Variants in ARHGEF10L observed in about 807,000 individuals in gnomAD.
ARHGEF10L encodes the protein rho guanine nucleotide exchange factor 10-like protein.
In ARHGEF10L, 69 loss-of-function variants were observed where a neutral mutation model predicts 141.2. The observed-to-expected ratio is 0.49, with a 90% confidence interval of 0.40 to 0.60. The LOEUF is 0.60. Ranked by LOEUF, ARHGEF10L falls within the 20% of genes least tolerant of loss-of-function variation. The pLI is 0.00. For synonymous variants in ARHGEF10L, 711 were observed against 718.5 expected (o/e 0.99, Z 0.17); for missense variants, 1,482 against 1,734.3 (o/e 0.85, Z 2.58).
intron 4 of ARHGEF10L, among the ~76,000 whole-genome samples, chr1:17,588,878 G>GTGTGTGTGTGTC (rs1557757887): frequency 1.1e-4 from 9 of 82,344 alleles, no homozygotes; most frequent in African/African-American, 5.1e-4. Context: ...GTGTGTGTGT[G>GTGTGTGTGTGTC]TGTGTGTGTG....
intron 26 of ARHGEF10L, among the ~76,000 whole-genome samples, chr1:17,667,031 C>T (rs1454306789): frequency 1.3e-5 from 2 of 152,190 alleles, no homozygotes; most frequent in Non-Finnish European, 2.9e-5. Context: ...CTCCCAGTAG[C>T]CCCCAAGTGT....
chr1:17,538,596 T>G (rs2076616288), upstream of ARHGEF10L, among the ~76,000 whole-genome samples: 1 of 151,714 alleles, frequency 6.6e-6, no homozygotes, highest in African/African-American at 2.4e-5. Context: ...CGTCTTCTCC[T>G]AAGCCTATGA....
chr1:17,641,420 A>G (rs1305846542), intron 21 of ARHGEF10L, among the ~76,000 whole-genome samples: 4 of 151,622 alleles, frequency 2.6e-5, no homozygotes, highest in African/African-American at 9.7e-5. Flanking sequence ...TCACAAGGTC[A>G]GGAGATCGAG....
At chr1:17,657,983 G>T (rs1319581538) in intron 25 of ARHGEF10L, among the ~76,000 whole-genome samples, 1 of 152,230 alleles carries the variant, frequency 6.6e-6, no homozygotes, top group Admixed American at 6.5e-5. Flanking sequence ...ATGTAGCGTC[G>T]CATATCCTAG....
chr1:17,544,803 C>G (rs2076858763), intron 1 of ARHGEF10L, among the ~76,000 whole-genome samples: 4 of 152,228 alleles, frequency 2.6e-5, no homozygotes, highest in Admixed American at 1.3e-4. Context: ...ATTTAATGGA[C>G]TCACAGTTCC....
chr1:17,682,017 T>C (rs1339750464), intron 26 of ARHGEF10L, among the ~76,000 whole-genome samples: 1 of 152,088 alleles, frequency 6.6e-6, no homozygotes, highest in East Asian at 1.9e-4. Context: ...CGTGCTCTAA[T>C]CAGGACCATC....
chr1:17,648,717 T>C (rs2061737379), intron 22 of ARHGEF10L, 42 bp downstream of exon 22: 4 of 1,598,022 alleles, frequency 2.5e-6, no homozygotes, highest in Non-Finnish European at 3.4e-6. Context: ...CGAAGGTGGC[T>C]GCGGCTCCCC....
chr1:17,516,790 C>A, the ARHGEF10L span, among the ~76,000 whole-genome samples: 1 of 152,150 alleles, frequency 6.6e-6, no homozygotes, highest in Middle Eastern at 3.2e-3. Context: ...AGGTCCCCGC[C>A]AACGAAGAGG....
chr1:17,565,684 C>T (rs2077723342), intron 1 of ARHGEF10L, among the ~76,000 whole-genome samples: 1 of 152,194 alleles, frequency 6.6e-6, no homozygotes, highest in Non-Finnish European at 1.5e-5. Flanking sequence ...TTGAGCCATG[C>T]GCTAGGCTCC....
intron 4 of ARHGEF10L, among the ~76,000 whole-genome samples, chr1:17,601,341 A>T (rs1054458547): frequency 2.0e-5 from 3 of 152,070 alleles, no homozygotes; most frequent in African/African-American, 4.8e-5. Context: ...TCCCATTTGC[A>T]TGTCTGCTCT....
chr1:17,551,712 A>T (rs2100724716), intron 1 of ARHGEF10L, among the ~76,000 whole-genome samples: 2 of 151,850 alleles, frequency 1.3e-5, no homozygotes, highest in South Asian at 4.2e-4. Context: ...CTGCTTCCTT[A>T]CTCCTTCCCA....
intron 4 of ARHGEF10L, among the ~76,000 whole-genome samples, chr1:17,596,169 TA>T (rs1570738174): frequency 6.6e-6 from 1 of 152,188 alleles, no homozygotes; most frequent in East Asian, 1.9e-4. Context: ...CCACATCTTC[TA>T]GGGGCGCCCT....
intron 1 of ARHGEF10L, among the ~76,000 whole-genome samples, chr1:17,554,027 C>A (rs2077209926): frequency 1.3e-5 from 2 of 152,118 alleles, no homozygotes; most frequent in Admixed American, 1.3e-4. Flanking sequence ...ACTTCAAAGA[C>A]CAGAGGAAGT....
At chr1:17,620,289 C>T (rs1398575235) in intron 10 of ARHGEF10L, among the ~76,000 whole-genome samples, 1 of 151,910 alleles carries the variant, frequency 6.6e-6, no homozygotes, top group Non-Finnish European at 1.5e-5. Flanking sequence ...TCAGCCCAGT[C>T]ATGTTGTCCC....
At chr1:17,695,108 C>T (rs2065397098) in intron 27 of ARHGEF10L, 50 bp from the exon 28 acceptor site, 2 of 1,609,132 alleles carry the variant, frequency 1.2e-6, no homozygotes, top group African/African-American at 2.7e-5. Flanking sequence ...ACCCAGAGCC[C>T]ATGCTGTCTC....
chr1:17,602,319 A>G, intron 5 of ARHGEF10L, 101 bp downstream of exon 5: 1 of 1,367,622 alleles, frequency 7.3e-7, no homozygotes. Context: ...CTGTGAGCCC[A>G]GGGTTCATCC....
In ARHGEF10L at chr1:17,627,217, G is replaced by A. The variant is rs1445044322; in HGVS notation, c.1411-113G>A. 14 of 1,307,486 alleles carry A rather than the reference G, an allele frequency of 1.1e-5. No homozygotes were observed. Among genetic ancestry groups the A allele is most frequent in the African/African-American group, 5.9e-5 (4 of 68,134 alleles). 81.0% of individuals were successfully genotyped at this position (1,307,486 alleles called of 1,614,324 possible). On this transcript the variant is annotated intron_variant, in intron 14 of 28. Transcript: ENST00000361221. This position sits in a 1 kb window ranked among gnomAD's most constrained non-coding sequence, Gnocchi z 4.0. Reference sequence around the variant, plus strand: ...GTGCCATCTGTCCTGGCCTCAGGCCGGGCCCTTTGCAGACCCAGTGTGTGT... The same window carrying A: ...GTGCCATCTGTCCTGGCCTCAGGCCAGGCCCTTTGCAGACCCAGTGTGTGT...
chr1:17,678,260 G>A (rs1042495784), intron 26 of ARHGEF10L, among the ~76,000 whole-genome samples: 2 of 152,112 alleles, frequency 1.3e-5, no homozygotes, highest in African/African-American at 4.8e-5. Context: ...CTAAAGTGTC[G>A]ATGCTGGAGA....
At chr1:17,565,954 A>G (rs1183403746) in intron 1 of ARHGEF10L, among the ~76,000 whole-genome samples, 1 of 152,094 alleles carries the variant, frequency 6.6e-6, no homozygotes, top group African/African-American at 2.4e-5. Context: ...CTGCCCCCAC[A>G]GTCTAGCGGG....
Sources: gnomAD v4.1 joint callset for allele counts (sites outside exome capture counted in the v4.1 genomes callset) on GRCh38, gnomAD v4.1.1 for gene constraint, Gnocchi (gnomAD v3.1) non-coding constraint, MANE v1.5 for transcripts, NCBI Gene and HGNC (gene_info 2026-07-23, HGNC 2026-07-21) for gene names.